The following GABRA3 variants were observed in gnomAD, a reference collection of about 807,000 sequenced individuals.
GABRA3 encodes the protein gamma-aminobutyric acid type A receptor subunit alpha3, also known as gamma-aminobutyric acid receptor subunit alpha-3.
In GABRA3, 10 loss-of-function variants were observed where a neutral mutation model predicts 30.1. The ratio of observed to expected loss-of-function variants is 0.33; its 90% confidence interval spans 0.20 to 0.56. The LOEUF (loss-of-function observed/expected upper bound fraction) is 0.56, where lower values mean the gene tolerates loss of function less well. GABRA3 is among the 20% of genes least tolerant of loss of function. The probability of loss-of-function intolerance (pLI) is 0.89; values close to 1 mark genes in which losing one functional copy is unlikely to be tolerated. For missense variants in GABRA3, 233 were observed against 392.0 expected, an observed-to-expected ratio of 0.59 and a Z score of 3.42; for synonymous variants, 151 against 146.8, an observed-to-expected ratio of 1.03 and a Z score of -0.21.
chrX:152,168,149 G>T lies in GABRA3; in HGVS notation c.*79C>A. ...TAAAAAGGAGAATCCTGAAATACGCGAAGGGGAGCCCCGGGGTTTGGGTGC... is the reference window on the plus strand; with the variant it reads ...TAAAAAGGAGAATCCTGAAATACGCTAAGGGGAGCCCCGGGGTTTGGGTGC... On this transcript the variant is annotated 3_prime_UTR_variant, in exon 10 of 10. Coordinates refer to ENST00000370314, the MANE Select transcript of GABRA3 (RefSeq NM_000808.4). 1 of 814,029 alleles carries T rather than the reference G, an allele frequency of 1.2e-6. No homozygotes were observed. Among genetic ancestry groups the T allele is most frequent in the Non-Finnish European group, 1.8e-6 (1 of 548,509 alleles). The allele number at this position is 814,029 out of a possible 1,213,427, so 67.1% of individuals were successfully genotyped here. A position where few individuals can be genotyped will look rare whatever the true frequency, so the allele number is the denominator to read the frequency against.
At chrX:152,344,517 G>A (rs910970919) in intron 3 of GABRA3, among the ~76,000 whole-genome samples, 3 of 111,847 alleles carry the variant, frequency 2.7e-5, no homozygotes, top group African/African-American at 9.7e-5. Flanking sequence ...ATCTATAGTT[G>A]TTAAGACTAT....
intron 1 of GABRA3, among the ~76,000 whole-genome samples, chrX:152,410,019 T>C (rs1052034751): frequency 2.7e-5 from 3 of 112,323 alleles, no homozygotes; most frequent in African/African-American, 9.7e-5. Context: ...CAATGAAATA[T>C]TATTTGTCAT....
At chrX:152,181,196 T>A (rs1937141519) in intron 9 of GABRA3, among the ~76,000 whole-genome samples, 1 of 112,042 alleles carries the variant, frequency 8.9e-6, no homozygotes, top group African/African-American at 3.2e-5. Flanking sequence ...TTTATTTGTG[T>A]CTTCAATTTC....
At chrX:152,206,252 G>A (rs1043865600) in intron 7 of GABRA3, among the ~76,000 whole-genome samples, 2 of 112,895 alleles carry the variant, frequency 1.8e-5, no homozygotes, top group Admixed American at 9.3e-5. Flanking sequence ...TTTGGGCCAC[G>A]TGATGCTGCA....
At chrX:152,207,979 T>A in intron 7 of GABRA3, 22 bp downstream of exon 7, 1 of 1,197,287 alleles carries the variant, frequency 8.4e-7, no homozygotes, top group Non-Finnish European at 1.1e-6. Context: ...GAAATGTTTG[T>A]TAAATAAAAT....
intron 3 of GABRA3, among the ~76,000 whole-genome samples, chrX:152,320,065 A>T (rs1939938799): frequency 9.6e-6 from 1 of 104,193 alleles, no homozygotes; most frequent in Non-Finnish European, 1.9e-5. Flanking sequence ...TCAAAAACAT[A>T]AAAAAAAAGA....
intron 1 of GABRA3, among the ~76,000 whole-genome samples, chrX:152,373,676 G>A (rs748192670): frequency 1.2e-4 from 13 of 110,767 alleles, no homozygotes; most frequent in South Asian, 3.9e-4. Flanking sequence ...TGTGCACAAC[G>A]TGCAGGTTTG....
intron 2 of GABRA3, among the ~76,000 whole-genome samples, chrX:152,360,732 A>T (rs1381545178): frequency 1.1e-5 from 1 of 89,544 alleles, no homozygotes; most frequent in Non-Finnish European, 2.2e-5. Flanking sequence ...AAATTAAAAA[A>T]AAAAATTAAA....
rs181255144 is a variant in GABRA3 at position 152,178,745 on chromosome X, T to A, written c.1144-10182A>T. On this transcript the variant is annotated intron_variant, in intron 9 of 9. Coordinates refer to ENST00000370314, the MANE Select transcript of GABRA3 (RefSeq NM_000808.4). The stretch of plus-strand genomic sequence containing the variant: ...TAACTTAAAGTAGTAATGGACATAG[T>A]TTAAAAAATTGAAGTTGAAAACTTA... Among the ~76,000 whole-genome samples, 125 of 111,458 alleles carry A rather than the reference T, an allele frequency of 1.1e-3. 1 individual carries two copies. Among genetic ancestry groups the A allele is most frequent in the Non-Finnish European group, 1.7e-3 (88 of 53,120 alleles).
rs778295495 is a variant in GABRA3, at chrX:152,255,742, C to T, written c.551+36G>A. 9.7e-6 allele frequency: 11 copies of T among 1,137,298 alleles called. No individual in the cohort carries two copies. The Admixed American group carries it at 2.4e-4, about 25-fold the overall frequency. The allele number at this position is 1,137,298 out of a possible 1,213,427, so 93.7% of individuals were successfully genotyped here. A position where few individuals can be genotyped will look rare whatever the true frequency, so the allele number is the denominator to read the frequency against. On this transcript the variant is annotated intron_variant, in intron 5 of 9. Transcript: ENST00000370314. ...TCTGCTTTCAAGCCCAGTCCTACTC[C>T]CAATATACTTTGGGTGGGAACCACC...
intron 3 of GABRA3, among the ~76,000 whole-genome samples, chrX:152,303,826 C>A (rs971475423): frequency 9.2e-6 from 1 of 108,524 alleles, no homozygotes; most frequent in South Asian, 4.1e-4. Context: ...TGGGGGCCAA[C>A]GGGGGGAGAG....
chrX:152,229,963 T>TA (rs34765034), intron 5 of GABRA3, among the ~76,000 whole-genome samples: 29,703 of 110,309 alleles, frequency 0.27, 3,422 homozygotes, highest in African/African-American at 0.42. Context: ...TGGCACTTAC[T>TA]AAAACCCTCA....
At chrX:152,383,388 C>CAAAAAA (rs34736587) in intron 1 of GABRA3, among the ~76,000 whole-genome samples, 14 of 35,431 alleles carry the variant, frequency 4.0e-4, no homozygotes, top group African/African-American at 5.5e-4. Flanking sequence ...GACTCCATCT[C>CAAAAAA]AAAAAAAAAA....
At chrX:152,422,450 A>G (rs1174368875) in intron 1 of GABRA3, among the ~76,000 whole-genome samples, 1 of 108,574 alleles carries the variant, frequency 9.2e-6, no homozygotes. Flanking sequence ...TGGTGTGTTA[A>G]TTTTTTTTTT....
At chrX:152,345,433 T>C (rs1940376050) in intron 3 of GABRA3, 148 bp downstream of exon 3, 1 of 575,479 alleles carries the variant, frequency 1.7e-6, no homozygotes. Flanking sequence ...GGATTATGAC[T>C]AATTTTTAGT....
chrX:152,419,195 G>T (rs1451777960), intron 1 of GABRA3, among the ~76,000 whole-genome samples: 1 of 111,141 alleles, frequency 9.0e-6, no homozygotes, highest in Admixed American at 9.6e-5. Context: ...AATGTTAAAT[G>T]ACGAGTTACT....
At chrX:152,356,564 A>AT (rs1164394140) in intron 2 of GABRA3, among the ~76,000 whole-genome samples, 1 of 111,871 alleles carries the variant, frequency 8.9e-6, no homozygotes, top group Non-Finnish European at 1.9e-5. Context: ...TTTATGATTA[A>AT]CCAAGTCTAA....
At chrX:152,211,716 T>C (rs959402342) in intron 6 of GABRA3, among the ~76,000 whole-genome samples, 1 of 111,258 alleles carries the variant, frequency 9.0e-6, no homozygotes, top group South Asian at 3.8e-4. Context: ...CAATTTGGAA[T>C]ATAGGAGTAT....
chrX:152,432,894 T>A (rs1284730318), intron 1 of GABRA3, among the ~76,000 whole-genome samples: 1 of 110,985 alleles, frequency 9.0e-6, no homozygotes, highest in East Asian at 2.8e-4. Flanking sequence ...ATCAAGCAGA[T>A]TTTTCTCTGA....
Sources: allele counts gnomAD v4.1 joint callset (sites outside exome capture counted in the v4.1 genomes callset), GRCh38; gene constraint gnomAD v4.1.1; transcripts MANE v1.5; gene names NCBI Gene and HGNC (gene_info 2026-07-23, HGNC 2026-07-21).